Variants in TRIM67 observed in about 807,000 individuals in gnomAD.
The protein encoded by TRIM67 is tripartite motif-containing protein 67.
TRIM67 carries 39 observed loss-of-function variants against 71.0 expected under a neutral mutation model. The ratio of observed to expected loss-of-function variants is 0.55; its 90% CI spans 0.43 to 0.72. The LOEUF is 0.72. TRIM67 is among the 30% of genes least tolerant of loss of function. The pLI is 0.00. For synonymous variants in TRIM67, 481 were observed against 473.9 expected, an observed-to-expected ratio of 1.01 and a Z score of -0.19; for missense variants, 973 against 1,079.2, an observed-to-expected ratio of 0.90 and a Z score of 1.38.
At position 231,220,042 on chromosome 1, in the gene TRIM67, C is replaced by T. The variant is rs1684103536; in HGVS notation, c.*4602C>T. On this transcript the variant is annotated 3_prime_UTR_variant, in exon 10 of 10. Coordinates refer to ENST00000366653, the MANE Select transcript of TRIM67 (RefSeq NM_001004342.5). ...TATCCCCACCTGAAATGAGACTAGTCATACTAACCTACCTCCTCTGATGTA... is the reference window on the plus strand; with the variant it reads ...TATCCCCACCTGAAATGAGACTAGTTATACTAACCTACCTCCTCTGATGTA... 1.0e-6 allele frequency: 1 copy of T among 979,610 alleles called. No homozygotes were observed. The highest frequency in any genetic ancestry group is 1.7e-5 in the African/African-American group (1 of 59,648). The allele number at this position is 979,610 out of a possible 1,614,324, so 60.7% of individuals were successfully genotyped here.
intron 2 of TRIM67, 68 bp downstream of exon 2, chr1:231,197,534 A>G: frequency 6.7e-7 from 1 of 1,489,872 alleles, no homozygotes; most frequent in Non-Finnish European, 9.3e-7. Context: ...CATCGTATTA[A>G]GAAGAAAGAG....
At position 231,218,878 on chromosome 1, in the gene TRIM67, G is replaced by A; in HGVS notation, c.*3438G>A. Reference sequence around the variant, plus strand: ...TCTTTGCGCCCTTTCTCTCCCTCTTGGTGCCCCTGCCCTCCGCCCCACCAC... The same window carrying A: ...TCTTTGCGCCCTTTCTCTCCCTCTTAGTGCCCCTGCCCTCCGCCCCACCAC... On this transcript the variant is annotated 3_prime_UTR_variant, in exon 10 of 10. Transcript: ENST00000366653. 1 of 985,440 alleles carries A rather than the reference G, an allele frequency of 1.0e-6. No homozygotes were observed. The highest frequency in any genetic ancestry group is 4.7e-5 in the South Asian group (1 of 21,288). The allele number at this position is 985,440 out of a possible 1,614,324, so 61.0% of individuals were successfully genotyped here.
chr1:231,185,558 G>C (rs1360338858), intron 1 of TRIM67, among the ~76,000 whole-genome samples: 1 of 151,756 alleles, frequency 6.6e-6, no homozygotes, highest in East Asian at 1.9e-4. Flanking sequence ...GATGCCTTGG[G>C]CTGCAGCACT....
At chr1:231,213,455 A>G (rs11122253) in intron 8 of TRIM67, among the ~76,000 whole-genome samples, 57,350 of 152,068 alleles carry the variant, frequency 0.38, 11,114 homozygotes, top group East Asian at 0.56. Flanking sequence ...GGCCGGGTAC[A>G]GTGGCTCATG....
chr1:231,185,270 C>A, intron 1 of TRIM67: 1 of 1,498,784 alleles, frequency 6.7e-7, no homozygotes, highest in Middle Eastern at 2.3e-4. Context: ...ACCCCTGGAC[C>A]AGCTCTCCCT....
At chr1:231,185,170 T>C in intron 1 of TRIM67, 1 of 1,532,944 alleles carries the variant, frequency 6.5e-7, no homozygotes. Context: ...CAGCCTGTAC[T>C]CCACGGCGTC....
chr1:231,188,150 T>C (rs1683136229), intron 1 of TRIM67, among the ~76,000 whole-genome samples: 1 of 152,150 alleles, frequency 6.6e-6, no homozygotes, highest in Non-Finnish European at 1.5e-5. Context: ...ATATTGCTAT[T>C]CAAGGCAGTC....
chr1:231,218,289 T>C lies in TRIM67; in HGVS notation c.*2849T>C, dbSNP rs1249553486. On this transcript the variant is annotated 3_prime_UTR_variant, in exon 10 of 10. Transcript: ENST00000366653. ...CATTTGTACATACATATAAATGATA[T>C]CAAGATGAGGCTTTTGTTGGGCTGG... The C allele has an allele frequency of 5.8e-5, 57 of 986,832 alleles. No homozygotes were observed. Among genetic ancestry groups the C allele is most frequent in the Non-Finnish European group, 6.7e-5 (56 of 830,936 alleles). 61.1% of individuals were successfully genotyped at this position (986,832 alleles called of 1,614,324 possible).
Position 231,162,761 on chromosome 1 carries a change from C to T in TRIM67, c.-209C>T. On this transcript the variant is annotated 5_prime_UTR_variant, in exon 1 of 10. Coordinates refer to ENST00000366653, the MANE Select transcript of TRIM67 (RefSeq NM_001004342.5). ...GACCCTCGGGCAGGAGGTGAGGACCCCCTCCCTTCTCTCGCCCCTCAATCA... is the reference window on the plus strand; with the variant it reads ...GACCCTCGGGCAGGAGGTGAGGACCTCCTCCCTTCTCTCGCCCCTCAATCA... 1 of 618,324 alleles carries T rather than the reference C, an allele frequency of 1.6e-6. No individual in the cohort carries two copies. The highest frequency in any genetic ancestry group is 2.7e-6 in the Non-Finnish European group (1 of 374,036). 38.3% of individuals were successfully genotyped at this position (618,324 alleles called of 1,614,324 possible). A position where few individuals can be genotyped will look rare whatever the true frequency, so the allele number is the denominator to read the frequency against.
Position 231,218,175 on chromosome 1 carries a change from A to G in TRIM67, c.*2735A>G. On this transcript the variant is annotated 3_prime_UTR_variant, in exon 10 of 10. Coordinates refer to ENST00000366653, the MANE Select transcript of TRIM67 (RefSeq NM_001004342.5). Reference sequence around the variant, plus strand: ...ACTTATCAATTCCTCATGGCCAGGAAGGTCCCGGGTTTCAGAGTAGAAATG... The same window carrying G: ...ACTTATCAATTCCTCATGGCCAGGAGGGTCCCGGGTTTCAGAGTAGAAATG... 1 of 1,027,992 alleles carries G rather than the reference A, an allele frequency of 9.7e-7. No homozygotes were observed. The highest frequency in any genetic ancestry group is 1.2e-6 in the Non-Finnish European group (1 of 854,288). 63.7% of individuals were successfully genotyped at this position (1,027,992 alleles called of 1,614,324 possible). A position where few individuals can be genotyped will look rare whatever the true frequency, so the allele number is the denominator to read the frequency against.
chr1:231,220,054 C>T lies in TRIM67; in HGVS notation c.*4614C>T. The T allele has an allele frequency of 1.1e-6, 1 of 881,060 alleles. No homozygotes were observed. The allele number at this position is 881,060 out of a possible 1,614,324, so 54.6% of individuals were successfully genotyped here. A position where few individuals can be genotyped will look rare whatever the true frequency, so the allele number is the denominator to read the frequency against. ...AAATGAGACTAGTCATACTAACCTA[C>T]CTCCTCTGATGTATTGTGAGGATTA... On this transcript the variant is annotated 3_prime_UTR_variant, in exon 10 of 10. Coordinates refer to ENST00000366653, the MANE Select transcript of TRIM67 (RefSeq NM_001004342.5).
chr1:231,215,298 G>A (rs1683986470), intron 9 of TRIM67, 77 bp from the exon 10 acceptor site: 1 of 1,538,578 alleles, frequency 6.5e-7, no homozygotes, highest in African/African-American at 1.4e-5. Flanking sequence ...TCCTGCCGGT[G>A]TCTGCGGTGC....
At chr1:231,177,433 TG>T (rs1682784459) in intron 1 of TRIM67, among the ~76,000 whole-genome samples, 1 of 152,194 alleles carries the variant, frequency 6.6e-6, no homozygotes, top group Non-Finnish European at 1.5e-5. Flanking sequence ...GCTCAGCAAA[TG>T]GTCTTGATAC....
chr1:231,200,192 G>C lies in TRIM67; in HGVS notation c.1308G>C (p.Gln436His). 1 of 1,613,994 alleles carries C rather than the reference G, an allele frequency of 6.2e-7. No homozygotes were observed. The highest frequency in any genetic ancestry group is 8.5e-7 in the Non-Finnish European group (1 of 1,179,868). ...ATCACTGCACATTGAAGCTGCGTCA[G>C]TCCACCGGACTGATGGAGTACTGCC... is the stretch of plus-strand genomic sequence containing the variant. ...QINHCTLKLR[Q>H]STGLMEYCLE... The change falls in exon 4 of 10, where the codon CAG becomes CAC. Residue 436 changes from glutamine to histidine, a missense_variant. Transcript: ENST00000366653.
chr1:231,207,075 G>GTGCATA (rs1385241546), intron 7 of TRIM67, among the ~76,000 whole-genome samples: 3 of 152,316 alleles, frequency 2.0e-5, no homozygotes, highest in African/African-American at 7.2e-5. Flanking sequence ...GCCGGTTGAG[G>GTGCATA]TGCATACGCC....
chr1:231,162,837 G>A lies in TRIM67; in HGVS notation c.-133G>A. ...AGAGAGGGGCGTGCCCCTCGGCTGT[G>A]AAGTGGGCATGCCCGTGTGATGCCC... On this transcript the variant is annotated 5_prime_UTR_variant, in exon 1 of 10. Transcript: ENST00000366653. The A allele has an allele frequency of 8.3e-7, 1 of 1,207,666 alleles. No homozygotes were observed. 74.8% of individuals were successfully genotyped at this position (1,207,666 alleles called of 1,614,324 possible). A position where few individuals can be genotyped will look rare whatever the true frequency, so the allele number is the denominator to read the frequency against.
intron 4 of TRIM67, among the ~76,000 whole-genome samples, chr1:231,200,610 G>A (rs1683493400): frequency 6.6e-6 from 1 of 152,158 alleles, no homozygotes. Context: ...AATGTGCAGA[G>A]TCCTGCAGGC....
rs551654231 is a variant in TRIM67 at position 231,169,972 on chromosome 1, A to G, written c.1044+5959A>G. ...TCAGGGACCTTTATGTTACACCTTT[A>G]AAATGTTTTTTTCTTTCTCTCTTTT... On this transcript the variant is annotated intron_variant, in intron 1 of 9. Transcript: ENST00000366653. Among the ~76,000 whole-genome samples the G allele has an allele frequency of 4.7e-5, 7 of 148,136 alleles. No homozygotes were observed. In the East Asian group the frequency reaches 9.9e-4, roughly 21 times the overall value.
In TRIM67 at chr1:231,206,787, G is replaced by A. The variant is rs372935882; in HGVS notation, c.1816G>A (p.Asp606Asn). The A allele has an allele frequency of 2.5e-6, 4 of 1,593,340 alleles. No homozygotes were observed. Among genetic ancestry groups the A allele is most frequent in the Admixed American group, 1.8e-5 (1 of 56,098 alleles). ...YSKTVVLQTS[D>N]VAWFTFDPNS... The stretch of plus-strand genomic sequence containing the variant: ...TAAAACTGTCGTCCTGCAGACATCC[G>A]ATGGTGAGCATCGGGATCTCTTAGT... The change falls in exon 7 of 10, where the codon GAT becomes AAT. Residue 606 changes from aspartate to asparagine, a missense_variant. By Grantham distance (23) the Asp-to-Asn change is conservative. Around this residue, in one of 2 missense-constraint regions of TRIM67, gnomAD observed 178 missense variants for 247.9 expected, o/e 0.72. Transcript: ENST00000366653.
Sources: allele counts gnomAD v4.1 joint callset (sites outside exome capture counted in the v4.1 genomes callset), GRCh38; gene constraint gnomAD v4.1.1; regional missense constraint gnomAD v4.1.1; transcripts MANE v1.5; gene names NCBI Gene and HGNC (gene_info 2026-07-23, HGNC 2026-07-21).